The following RSL1D1 variants were observed in gnomAD, a reference collection of about 807,000 sequenced individuals.
RSL1D1 encodes the protein ribosomal L1 domain containing 1.
A neutral mutation model predicts 44.6 loss-of-function variants in RSL1D1; 34 were observed. The ratio of observed to expected loss-of-function variants is 0.76; its 90% confidence interval spans 0.58 to 1.02. The LOEUF (loss-of-function observed/expected upper bound fraction) is 1.02. RSL1D1 is among the 50% of genes least tolerant of loss of function. RSL1D1 has a pLI of 0.00. For missense variants in RSL1D1, 767 were observed against 568.1 expected (o/e 1.35, Z -3.56); for synonymous variants, 271 against 207.4 (o/e 1.31, Z -2.63).
chr16:11,840,017 A>T (rs1567418082), intron 7 of RSL1D1, 32 bp from the exon 8 acceptor site: 1 of 1,604,376 alleles, frequency 6.2e-7, no homozygotes, highest in South Asian at 1.1e-5. Flanking sequence ...ACATTTTAGC[A>T]GGAACAGTTC....
intron 2 of RSL1D1, among the ~76,000 whole-genome samples, chr16:11,848,837 G>T (rs953484570): frequency 6.8e-6 from 1 of 147,976 alleles, no homozygotes; most frequent in African/African-American, 2.5e-5. Context: ...TCTCACTGTC[G>T]CCCAGGCTGG....
intron 5 of RSL1D1, among the ~76,000 whole-genome samples, chr16:11,843,623 C>A (rs932087329): frequency 2.0e-5 from 3 of 151,790 alleles, no homozygotes; most frequent in Non-Finnish European, 4.4e-5. Context: ...AATCCCAGCA[C>A]GTTGGGAGGC....
At chr16:11,838,870 A>AAC (rs1555501000) in intron 8 of RSL1D1, among the ~76,000 whole-genome samples, 13 of 136,982 alleles carry the variant, frequency 9.5e-5, no homozygotes, top group African/African-American at 2.8e-4. Flanking sequence ...AAAAAAAAAC[A>AAC]AAAAAAAACT....
intron 5 of RSL1D1, among the ~76,000 whole-genome samples, chr16:11,845,722 C>CT (rs139021853): frequency 0.055 from 8,029 of 146,872 alleles, 502 homozygotes; most frequent in African/African-American, 0.16. Context: ...GAGAACTGAA[C>CT]TTTTTTTTTT....
rs12930736 is a variant in RSL1D1, at chr16:11,835,705, C to T, written c.*2082G>A. On this transcript the variant is annotated 3_prime_UTR_variant, in exon 9 of 9. Coordinates refer to ENST00000571133, the MANE Select transcript of RSL1D1 (RefSeq NM_015659.3). ...TTTGCCATATTGCCCAGGATGGTCT[C>T]GAACTCCTGGGTTCAAGCAATCCAC... 2.0e-5 allele frequency: 3 copies of T among 152,166 alleles called. No individual in the cohort carries two copies. Among genetic ancestry groups the T allele is most frequent in the Admixed American group, 6.6e-5 (1 of 15,260 alleles). The allele number at this position is 152,166 out of a possible 1,614,324, so 9.4% of individuals were successfully genotyped here.
chr16:11,844,541 G>C (rs528347263), intron 5 of RSL1D1, among the ~76,000 whole-genome samples: 5 of 152,308 alleles, frequency 3.3e-5, no homozygotes, highest in African/African-American at 7.2e-5. Context: ...CATTACACCT[G>C]ATGAAGGGAT....
At position 11,847,813 on chromosome 16, in the gene RSL1D1, A is replaced by G. The variant is rs570359299; in HGVS notation, c.246-7T>C. On this transcript the variant is annotated splice_polypyrimidine_tract_variant and splice_region_variant and intron_variant, in intron 2 of 8. Transcript: ENST00000571133. ...AATACTATGAGGCAAGGTCCTACAA[A>G]ATACGTGAAAAGAAACCGAGGAAAG... 193 of 1,611,672 alleles carry G rather than the reference A, an allele frequency of 1.2e-4. 5 individuals are homozygous for G. In the South Asian group the frequency reaches 2.1e-3, roughly 17 times the overall value.
Position 11,834,602 on chromosome 16 carries a change from T to C in RSL1D1, c.*3185A>G, listed in dbSNP as rs1428840470. On this transcript the variant is annotated 3_prime_UTR_variant, in exon 9 of 9. Coordinates refer to ENST00000571133, the MANE Select transcript of RSL1D1 (RefSeq NM_015659.3). ...GACTGGCACGATTACATATGTGGGT[T>C]TGTCCTACACAAACCAGACCTTTAA... 6.6e-6 allele frequency: 1 copy of C among 152,218 alleles called. No individual in the cohort carries two copies. The highest frequency in any genetic ancestry group is 6.5e-5 in the Admixed American group (1 of 15,270). The allele number at this position is 152,218 out of a possible 1,614,324, so 9.4% of individuals were successfully genotyped here.
chr16:11,851,383 G>C (rs768970205), intron 1 of RSL1D1, 25 bp downstream of exon 1: 1 of 1,608,458 alleles, frequency 6.2e-7, no homozygotes, highest in South Asian at 1.1e-5. Flanking sequence ...CTGCTTCCAA[G>C]CCACCCTCCC....
Position 11,847,726 on chromosome 16 carries a change from T to A in RSL1D1, c.326A>T (p.Lys109Met). Residue 109 changes from lysine (K) to methionine (M), a missense_variant, in exon 3 of 9, where the codon AAG becomes ATG. Lys to Met is a moderately conservative substitution (Grantham distance 95). Transcript: ENST00000571133. ...AAGCTTTCTATAAAACTGTTCTGTCTTTTCAGGAGTTGAATTGGGTTCATC... is the reference window on the plus strand; with the variant it reads ...AAGCTTTCTATAAAACTGTTCTGTCATTTCAGGAGTTGAATTGGGTTCATC... ...TKDEPNSTPE[K>M]TEQFYRKLLN... 1 of 1,613,348 alleles carries A rather than the reference T, an allele frequency of 6.2e-7. No individual in the cohort carries two copies. Among genetic ancestry groups the A allele is most frequent in the Non-Finnish European group, 8.5e-7 (1 of 1,179,348 alleles).
chr16:11,839,027 C>T (rs1245681305), intron 8 of RSL1D1, among the ~76,000 whole-genome samples: 1 of 152,074 alleles, frequency 6.6e-6, no homozygotes, highest in Non-Finnish European at 1.5e-5. Context: ...GCTGCACATC[C>T]CTGGCACATG....
chr16:11,848,832 C>T (rs1029107537), intron 2 of RSL1D1, among the ~76,000 whole-genome samples: 1 of 150,092 alleles, frequency 6.7e-6, no homozygotes, highest in African/African-American at 2.4e-5. Context: ...GGGAGTCTCA[C>T]TGTCGCCCAG....
rs2053702977 is a variant in RSL1D1, at chr16:11,834,396, G to C, written c.*3391C>G. 1 of 152,192 alleles carries C rather than the reference G, an allele frequency of 6.6e-6. No individual in the cohort carries two copies. The highest frequency in any genetic ancestry group is 2.1e-4 in the South Asian group (1 of 4,824). The allele number at this position is 152,192 out of a possible 1,614,324, so 9.4% of individuals were successfully genotyped here. ...TAAATTGAAGCCAGCTTTTTCAACAGAGAACATTATTAGAATGAAACTAGA... is the reference window on the plus strand; with the variant it reads ...TAAATTGAAGCCAGCTTTTTCAACACAGAACATTATTAGAATGAAACTAGA... On this transcript the variant is annotated 3_prime_UTR_variant, in exon 9 of 9. Transcript: ENST00000571133.
chr16:11,840,332 G>A (rs1267918149), intron 7 of RSL1D1, among the ~76,000 whole-genome samples: 1 of 151,428 alleles, frequency 6.6e-6, no homozygotes, highest in Non-Finnish European at 1.5e-5. Flanking sequence ...CAGGGAGGCT[G>A]AGGCAGGAGG....
chr16:11,841,912 G>A lies in RSL1D1; in HGVS notation c.724C>T (p.Pro242Ser), dbSNP rs980793501. The change falls in exon 6 of 9, where the codon CCA becomes TCA. Residue 242 changes from proline to serine, a missense_variant. Pro to Ser is a moderately conservative substitution (Grantham distance 74, BLOSUM62 -1). Transcript: ENST00000571133. ...ATGCACCTGTAATACTGTACCTCTG[G>A]CAATTTTTCTGAAAGTCCTTTGGTG... ...AVTKGLSEKL[P>S]EKWESVKLLF... 6.2e-7 allele frequency: 1 copy of A among 1,613,156 alleles called. No individual in the cohort carries two copies. The highest frequency in any genetic ancestry group is 8.5e-7 in the Non-Finnish European group (1 of 1,179,694).
At chr16:11,850,556 G>A in intron 1 of RSL1D1, 138 bp from the exon 2 acceptor site, 2 of 799,990 alleles carry the variant, frequency 2.5e-6, no homozygotes, top group South Asian at 3.4e-5. Flanking sequence ...CTATTTCAAG[G>A]GGTAACCTCC....
intron 5 of RSL1D1, among the ~76,000 whole-genome samples, chr16:11,843,871 C>CAAAAAAAAAAAA (rs35833714): frequency 1.9e-5 from 1 of 53,560 alleles, no homozygotes; most frequent in Admixed American, 3.0e-4. Context: ...AACTCTGTCT[C>CAAAAAAAAAAAA]AAAAAAAAAA....
chr16:11,846,867 A>T lies in RSL1D1; in HGVS notation c.385-24T>A, dbSNP rs376506363. 67 of 1,563,144 alleles carry T rather than the reference A, an allele frequency of 4.3e-5. No homozygotes were observed. In the African/African-American group the frequency reaches 8.3e-4, roughly 19 times the overall value. On this transcript the variant is annotated intron_variant, in intron 3 of 8. Coordinates refer to ENST00000571133, the MANE Select transcript of RSL1D1 (RefSeq NM_015659.3). The stretch of plus-strand genomic sequence containing the variant: ...ATCTAGGAAGTATAGAGAAGAATAA[A>T]AACAAGAAGTTAGGAATCTAAACAA...
intron 2 of RSL1D1, among the ~76,000 whole-genome samples, chr16:11,848,859 C>A (rs1213032136): frequency 6.7e-6 from 1 of 150,220 alleles, no homozygotes; most frequent in African/African-American, 2.4e-5. Flanking sequence ...GTCTCTGCAA[C>A]CTCTGCCTCC....
Sources: gnomAD v4.1 joint callset for allele counts (sites outside exome capture counted in the v4.1 genomes callset) on GRCh38, gnomAD v4.1.1 for gene constraint, MANE v1.5 for transcripts, NCBI Gene and HGNC (gene_info 2026-07-23, HGNC 2026-07-21) for gene names.